FBXL13: variants seen among roughly 807,000 people sequenced by gnomAD.
FBXL13 encodes the protein F-box and leucine rich repeat protein 13.
Under a neutral mutation model 83.6 loss-of-function variants are expected in FBXL13, and 67 were observed. The ratio of observed to expected loss-of-function variants is 0.80; its 90% CI spans 0.66 to 0.98. The LOEUF (loss-of-function observed/expected upper bound fraction) is 0.98, where lower values mean the gene tolerates loss of function less well. Among genes scored for constraint, FBXL13 ranks in the 50% least tolerant of loss-of-function variants. The pLI, the probability that FBXL13 is intolerant of heterozygous loss-of-function variation, is 0.00. For missense variants in FBXL13, 822 were observed against 866.5 expected (o/e 0.95, Z 0.64); for synonymous variants, 272 against 299.5 (o/e 0.91, Z 0.95).
chr7:102,850,363 A>G (rs1804998348), intron 17 of FBXL13, among the ~76,000 whole-genome samples: 1 of 152,132 alleles, frequency 6.6e-6, no homozygotes, highest in African/African-American at 2.4e-5. Flanking sequence ...AAATTAATCA[A>G]TAATGTACAT....
chr7:102,838,429 T>A (rs1455096903), intron 17 of FBXL13, among the ~76,000 whole-genome samples: 1 of 152,054 alleles, frequency 6.6e-6, no homozygotes, highest in Non-Finnish European at 1.5e-5. Context: ...CCAAACTTTT[T>A]AAATCATGAA....
chr7:102,833,831 C>A (rs1425376569), intron 17 of FBXL13, among the ~76,000 whole-genome samples: 1 of 151,762 alleles, frequency 6.6e-6, no homozygotes, highest in Non-Finnish European at 1.5e-5. Flanking sequence ...GAAATCATTC[C>A]CTTTATATCA....
chr7:102,835,603 G>GTTT (rs776220490), intron 17 of FBXL13, among the ~76,000 whole-genome samples: 2,676 of 97,414 alleles, frequency 0.027, 55 homozygotes, highest in Non-Finnish European at 0.032. Context: ...AGGTGACATT[G>GTTT]TTTTTTTTTT....
intron 11 of FBXL13, among the ~76,000 whole-genome samples, chr7:102,894,471 C>G (rs1812005329): frequency 6.6e-6 from 1 of 151,928 alleles, no homozygotes; most frequent in Non-Finnish European, 1.5e-5. Flanking sequence ...TGCCTGTAAT[C>G]CTGGCACTTT....
intron 17 of FBXL13, among the ~76,000 whole-genome samples, chr7:102,851,975 T>C (rs1282964702): frequency 1.3e-5 from 2 of 152,316 alleles, no homozygotes; most frequent in African/African-American, 2.4e-5. Context: ...GGAAGTATGT[T>C]TGAGTAACTT....
intron 2 of FBXL13, among the ~76,000 whole-genome samples, chr7:103,041,602 C>G (rs1437380918): frequency 2.6e-5 from 4 of 152,188 alleles, no homozygotes; most frequent in African/African-American, 9.7e-5. Flanking sequence ...AATCCAGCAG[C>G]ACATCAAAAA....
At chr7:102,939,434 G>A (rs753588741) in intron 8 of FBXL13, 5 of 1,603,638 alleles carry the variant, frequency 3.1e-6, no homozygotes, top group African/African-American at 1.3e-5. Flanking sequence ...TTCCAGAGTT[G>A]AAAAAAGTGC....
At chr7:102,992,937 G>A (rs1418588355) in intron 6 of FBXL13, among the ~76,000 whole-genome samples, 1 of 152,186 alleles carries the variant, frequency 6.6e-6, no homozygotes, top group African/African-American at 2.4e-5. Flanking sequence ...CAGCGATTAA[G>A]ACTAAAGTGA....
intron 10 of FBXL13, among the ~76,000 whole-genome samples, chr7:102,925,143 C>G (rs1817870260): frequency 6.6e-6 from 1 of 152,168 alleles, no homozygotes; most frequent in Non-Finnish European, 1.5e-5. Context: ...TGGCTCATGC[C>G]AGCACTTTGG....
chr7:102,955,025 C>G (rs1824026302), intron 8 of FBXL13, among the ~76,000 whole-genome samples: 1 of 152,162 alleles, frequency 6.6e-6, no homozygotes, highest in Non-Finnish European at 1.5e-5. Flanking sequence ...CTGAACTCAG[C>G]TCTGCAACAA....
chr7:102,827,770 T>C (rs148791976), intron 18 of FBXL13, among the ~76,000 whole-genome samples: 1,525 of 152,196 alleles, frequency 0.01, 22 homozygotes, highest in African/African-American at 0.035. Context: ...AGTGAGAACA[T>C]GCAGTGTTTG....
intron 8 of FBXL13, among the ~76,000 whole-genome samples, chr7:102,932,167 G>A (rs1343397466): frequency 6.6e-6 from 1 of 152,190 alleles, no homozygotes; most frequent in East Asian, 1.9e-4. Context: ...AAGGGGAAAA[G>A]AGAAAAATAT....
chr7:102,811,201 C>A (rs2129444329), downstream of FBXL13, among the ~76,000 whole-genome samples: 1 of 152,062 alleles, frequency 6.6e-6, no homozygotes. Context: ...ATAAGCATAA[C>A]AGCAGTCAAC....
rs887344692 is a variant in FBXL13, at chr7:102,974,913, C to G, written c.496-6796G>C. 2.0e-5 allele frequency among the ~76,000 whole-genome samples: 3 copies of G among 152,196 alleles called. No homozygotes were observed. The South Asian group carries it at 6.2e-4, about 32-fold the overall frequency. ...TTCTTTTCCTACACTGTCCTCTCCTCAGGACAATTCTAGCATTGTCTGTAC... is the reference window on the plus strand; with the variant it reads ...TTCTTTTCCTACACTGTCCTCTCCTGAGGACAATTCTAGCATTGTCTGTAC... On this transcript the variant is annotated intron_variant, in intron 6 of 19. Transcript: ENST00000313221.
At position 102,849,161 on chromosome 7, in the gene FBXL13, C is replaced by A. The variant is rs1169404996; in HGVS notation, c.1719+5616G>T. ...TGTTATTTAACTGACCTCATAAAAT[C>A]CTCAAGAAAACGATTTCTTAAGAAA... On this transcript the variant is annotated intron_variant, in intron 17 of 19. Coordinates refer to ENST00000313221, the Ensembl canonical transcript of FBXL13. Among the ~76,000 whole-genome samples the A allele has an allele frequency of 2.0e-5, 3 of 152,180 alleles. No homozygotes were observed. The East Asian group carries it at 5.8e-4, about 29-fold the overall frequency.
intron 8 of FBXL13, among the ~76,000 whole-genome samples, chr7:102,959,483 T>G (rs1468915868): frequency 1.3e-5 from 2 of 151,986 alleles, no homozygotes; most frequent in Admixed American, 6.6e-5. Context: ...TATATATAAT[T>G]TTGCAAATTG....
intron 10 of FBXL13, among the ~76,000 whole-genome samples, chr7:102,924,787 C>A (rs1268366334): frequency 2.0e-5 from 3 of 151,946 alleles, no homozygotes; most frequent in East Asian, 3.9e-4. Context: ...ACTACAGGCA[C>A]CCACCACCGC....
intron 8 of FBXL13, among the ~76,000 whole-genome samples, chr7:102,943,807 C>A (rs1351172467): frequency 1.3e-5 from 2 of 152,174 alleles, no homozygotes; most frequent in Non-Finnish European, 2.9e-5. Context: ...AATGGAGTGA[C>A]CATCTGTGTT....
At chr7:102,968,182 CT>C in intron 6 of FBXL13, 65 bp from the exon 8 acceptor site, 2 of 1,111,178 alleles carry the variant, frequency 1.8e-6, no homozygotes, top group Non-Finnish European at 1.3e-6. Context: ...GTCCACTTAC[CT>C]TTTGTCTGTG....
Sources: gnomAD v4.1 joint callset for allele counts (sites outside exome capture counted in the v4.1 genomes callset) on GRCh38, gnomAD v4.1.1 for gene constraint, MANE v1.5 for transcripts, NCBI Gene and HGNC (gene_info 2026-07-23, HGNC 2026-07-21) for gene names.